The following PHACTR4 variants were observed in gnomAD, a reference collection of about 807,000 sequenced individuals.
PHACTR4 encodes protein phosphatase 1, regulatory subunit 124.
In PHACTR4, 51 loss-of-function variants were observed where a neutral mutation model predicts 72.7. That is an observed-to-expected ratio of 0.70 (90% confidence interval 0.56 to 0.89). PHACTR4 has a LOEUF of 0.89. PHACTR4 is among the 40% of genes least tolerant of loss of function. The probability of loss-of-function intolerance (pLI) is 0.00; values close to 1 mark genes in which losing one functional copy is unlikely to be tolerated. For synonymous variants in PHACTR4, 255 were observed against 302.5 expected, an observed-to-expected ratio of 0.84 and a Z score of 1.63; for missense variants, 731 against 861.8, an observed-to-expected ratio of 0.85 and a Z score of 1.90.
At chr1:28,413,074 G>A (rs957267896) in intron 2 of PHACTR4, among the ~76,000 whole-genome samples, 21 of 152,162 alleles carry the variant, frequency 1.4e-4, no homozygotes, top group African/African-American at 4.6e-4. Context: ...ACCCCCGTCT[G>A]TAGAAAAATT....
chr1:28,395,280 A>G lies in PHACTR4; in HGVS notation c.-38-12130A>G, dbSNP rs189595112. 2.1e-3 allele frequency among the ~76,000 whole-genome samples: 317 copies of G among 152,236 alleles called. 1 individual carries two copies. The highest frequency in any genetic ancestry group is 7.4e-3 in the African/African-American group (306 of 41,548). On this transcript the variant is annotated intron_variant, in intron 1 of 13. Transcript: ENST00000373839. ...AATGTGATACATAACGATGCCAGAA[A>G]TATATACGGCTTCATTTTTGTGGGT...
chr1:28,375,435 G>A (rs368474233), intron 1 of PHACTR4, among the ~76,000 whole-genome samples: 2 of 151,892 alleles, frequency 1.3e-5, no homozygotes, highest in Non-Finnish European at 2.9e-5. Context: ...CCAGTGCTTC[G>A]GGAGGCTAAG....
Position 28,476,171 on chromosome 1 carries a change from A to C in PHACTR4, c.1486A>C (p.Thr496Pro), listed in dbSNP as rs747976183. The C allele has an allele frequency of 9.3e-6, 15 of 1,613,686 alleles. No homozygotes were observed. The Admixed American group carries it at 2.5e-4, about 27-fold the overall frequency. The stretch of plus-strand genomic sequence containing the variant: ...CACATTCAGTGAAGAAATGACACCT[A>C]CCTCAGTCATTCCTAAATTACCACA... ...PSTFSEEMTP[T>P]SVIPKLPQCL... The change falls in exon 8 of 14, where the codon ACC (threonine) becomes CCC (proline). Residue 496 changes from threonine to proline, a missense_variant. Thr to Pro is a conservative substitution (Grantham distance 38). Around this residue, in one of 2 missense-constraint regions of PHACTR4, gnomAD observed 621 missense variants for 676.6 expected, o/e 0.92. Coordinates refer to ENST00000373839, the MANE Select transcript of PHACTR4 (RefSeq NM_001048183.3).
chr1:28,397,126 C>T (rs1329796448), intron 1 of PHACTR4, among the ~76,000 whole-genome samples: 3 of 152,068 alleles, frequency 2.0e-5, no homozygotes, highest in Admixed American at 6.6e-5. Flanking sequence ...GGCTTTGAAT[C>T]ATGATAGAAT....
intron 1 of PHACTR4, among the ~76,000 whole-genome samples, chr1:28,399,551 G>T (rs911457879): frequency 6.6e-6 from 1 of 151,852 alleles, no homozygotes; most frequent in Admixed American, 6.6e-5. Flanking sequence ...TGTTGGTCTC[G>T]GACTATGTAG....
At chr1:28,430,484 AT>A (rs1656183855) in intron 2 of PHACTR4, among the ~76,000 whole-genome samples, 1 of 152,214 alleles carries the variant, frequency 6.6e-6, no homozygotes, top group South Asian at 2.1e-4. Flanking sequence ...GGCACATGTT[AT>A]CAATTGTAGG....
At chr1:28,449,231 GCAGGATTGCTTGAGAC>G (rs1420076747) in intron 2 of PHACTR4, among the ~76,000 whole-genome samples, 2 of 152,182 alleles carry the variant, frequency 1.3e-5, no homozygotes, top group Non-Finnish European at 2.9e-5. Flanking sequence ...GGCTGAAGCA[GCAGGATTGCTTGAGAC>G]CAGGAGTTTG....
rs543371468 is a variant in PHACTR4 at position 28,453,689 on chromosome 1, T to C, written c.17-5396T>C. 7 of 1,253,874 alleles carry C rather than the reference T, an allele frequency of 5.6e-6. No homozygotes were observed. The Admixed American group carries it at 1.2e-4, about 22-fold the overall frequency. 77.7% of individuals were successfully genotyped at this position (1,253,874 alleles called of 1,614,324 possible). ...GATTGAAAGATGGACCCGTCCTGGT[T>C]CCTCTTACTTCAATTTGAACCCATT... On this transcript the variant is annotated intron_variant, in intron 2 of 13. Coordinates refer to ENST00000373839, the MANE Select transcript of PHACTR4 (RefSeq NM_001048183.3).
chr1:28,448,920 C>T (rs1369560601), intron 2 of PHACTR4, among the ~76,000 whole-genome samples: 1 of 151,686 alleles, frequency 6.6e-6, no homozygotes, highest in Non-Finnish European at 1.5e-5. Context: ...GAGGCTGAGG[C>T]AGGAGGATTG....
Position 28,378,580 on chromosome 1 carries a change from C to CT in PHACTR4, c.-39+8764dup, listed in dbSNP as rs1553181674. On this transcript the variant is annotated intron_variant, in intron 1 of 13. Transcript: ENST00000373839. ...TCTTTCTCCCCCCAGCCCCCCCCCCCTTTTTTTTTAACAACCCAAGGGCAC... is the reference window on the plus strand; with the variant it reads ...TCTTTCTCCCCCCAGCCCCCCCCCCCTTTTTTTTTTAACAACCCAAGGGCAC... 1.7e-3 allele frequency among the ~76,000 whole-genome samples: 109 copies of CT among 63,584 alleles called. 4 individuals are homozygous for CT. The highest frequency in any genetic ancestry group is 3.3e-3 in the African/African-American group (68 of 20,786). The allele number at this position is 63,584 out of a possible 152,430, so 41.7% of individuals were successfully genotyped here.
chr1:28,429,672 C>A (rs376127895), intron 2 of PHACTR4, among the ~76,000 whole-genome samples: 1 of 152,252 alleles, frequency 6.6e-6, no homozygotes, highest in East Asian at 1.9e-4. Flanking sequence ...ATTAATAATA[C>A]TCGGTGCGTG....
intron 6 of PHACTR4, among the ~76,000 whole-genome samples, chr1:28,468,787 G>A (rs74064855): frequency 0.088 from 13,412 of 152,138 alleles, 1,284 homozygotes; most frequent in African/African-American, 0.24. Context: ...GCCTGGGATG[G>A]GCTTGAGAAT....
At chr1:28,454,064 T>A (rs997005694) in intron 2 of PHACTR4, 26 of 281,606 alleles carry the variant, frequency 9.2e-5, no homozygotes, top group Admixed American at 9.4e-5. Flanking sequence ...AAAAAAAAAT[T>A]TTTTTTTTAA....
chr1:28,378,074 G>A (rs1189698617), intron 1 of PHACTR4, among the ~76,000 whole-genome samples: 1 of 150,174 alleles, frequency 6.7e-6, no homozygotes, highest in African/African-American at 2.5e-5. Flanking sequence ...GTGGGTGCCT[G>A]TAGTCCCAGC....
intron 1 of PHACTR4, among the ~76,000 whole-genome samples, chr1:28,403,752 C>T (rs932844425): frequency 6.6e-6 from 1 of 152,072 alleles, no homozygotes; most frequent in African/African-American, 2.4e-5. Flanking sequence ...TCCCCACCCA[C>T]CCCCAACATA....
intron 1 of PHACTR4, among the ~76,000 whole-genome samples, chr1:28,379,482 T>C (rs1271068051): frequency 1.3e-4 from 20 of 152,002 alleles, no homozygotes; most frequent in Admixed American, 5.3e-4. Flanking sequence ...CCATGTTGCC[T>C]AGGCTGGTCT....
At chr1:28,485,269 A>G (rs1481282473) in intron 9 of PHACTR4, among the ~76,000 whole-genome samples, 2 of 152,122 alleles carry the variant, frequency 1.3e-5, no homozygotes, top group Admixed American at 1.3e-4. Flanking sequence ...AGTTCTAGAG[A>G]TCCACTGTAC....
At chr1:28,445,171 T>C (rs1569973847) in intron 2 of PHACTR4, among the ~76,000 whole-genome samples, 2 of 151,874 alleles carry the variant, frequency 1.3e-5, no homozygotes, top group African/African-American at 4.8e-5. Flanking sequence ...GCCAGGCTGG[T>C]CCTGAACTCC....
chr1:28,493,015 G>T lies in PHACTR4; in HGVS notation c.2017G>T (p.Ala673Ser). The T allele has an allele frequency of 6.2e-7, 1 of 1,611,246 alleles. No individual in the cohort carries two copies. Among genetic ancestry groups the T allele is most frequent in the Non-Finnish European group, 8.5e-7 (1 of 1,177,622 alleles). The stretch of plus-strand genomic sequence containing the variant: ...AAACATTTTTGTCTCTACTCCACAG[G>T]CTGCCATAAGAAAAGAATTAAATGA... ...PWTKLTPADK[A>S]AIRKELNEFK... is the part of the protein sequence containing the mutation. The change falls in exon 13 of 14, where the codon GCT becomes TCT. Residue 673 changes from alanine to serine, a missense_variant and splice_region_variant. This residue lies in a region of PHACTR4 where 110 missense variants were observed against 185.2 expected (regional missense o/e 0.59). Coordinates refer to ENST00000373839, the MANE Select transcript of PHACTR4 (RefSeq NM_001048183.3).
Sources: gnomAD v4.1 joint callset for allele counts (sites outside exome capture counted in the v4.1 genomes callset) on GRCh38, gnomAD v4.1.1 for gene constraint, gnomAD v4.1.1 regional missense constraint, MANE v1.5 for transcripts, NCBI Gene and HGNC (gene_info 2026-07-23, HGNC 2026-07-21) for gene names.